RAB11FIP4: variants seen among roughly 807,000 people sequenced by gnomAD.
The protein encoded by RAB11FIP4 is RAB11 family interacting protein 4, also known as rab11 family-interacting protein 4.
A neutral mutation model predicts 74.3 loss-of-function variants in RAB11FIP4; 23 were observed. The observed-to-expected ratio is 0.31, with a 90% CI of 0.22 to 0.44. The LOEUF is 0.44. Among genes scored for constraint, RAB11FIP4 ranks in the 20% least tolerant of loss-of-function variants. The probability of loss-of-function intolerance (pLI) is 1.00; values close to 1 mark genes in which losing one functional copy is unlikely to be tolerated. For missense variants in RAB11FIP4, 630 were observed against 863.9 expected (o/e 0.73, Z 3.39); for synonymous variants, 360 against 359.9 (o/e 1.00, Z 0.00).
intron 4 of RAB11FIP4, 22 bp downstream of exon 4, chr17:31,517,899 C>T (rs1422999736): frequency 4.6e-6 from 7 of 1,532,248 alleles, no homozygotes; most frequent in Non-Finnish European, 4.4e-6. Flanking sequence ...CCACCTGAAG[C>T]TCCATATTTG....
intron 1 of RAB11FIP4, among the ~76,000 whole-genome samples, chr17:31,410,998 A>G (rs982595609): frequency 3.3e-5 from 5 of 152,120 alleles, no homozygotes; most frequent in African/African-American, 1.2e-4. Context: ...AATCCCTCCC[A>G]TCTTTCCACC....
At chr17:31,473,809 C>T (rs2071763917) in intron 3 of RAB11FIP4, among the ~76,000 whole-genome samples, 1 of 152,158 alleles carries the variant, frequency 6.6e-6, no homozygotes, top group Admixed American at 6.5e-5. Context: ...TTGAGCTGCC[C>T]ACTGGATAGT....
chr17:31,431,663 C>T, intron 1 of RAB11FIP4, 150 bp from the exon 2 acceptor site: 1 of 638,844 alleles, frequency 1.6e-6, no homozygotes, highest in Non-Finnish European at 2.7e-6. Flanking sequence ...ATAAAGTGGC[C>T]CCATGGCTGA....
intron 11 of RAB11FIP4, among the ~76,000 whole-genome samples, chr17:31,528,131 AAG>A (rs2072800509): frequency 8.9e-6 from 1 of 112,574 alleles, no homozygotes; most frequent in Admixed American, 8.6e-5. Context: ...TAGTTTTAGA[AAG>A]AGGTTAGCTT....
At chr17:31,520,919 T>G in intron 4 of RAB11FIP4, 2 of 291,732 alleles carry the variant, frequency 6.9e-6, no homozygotes, top group African/African-American at 2.2e-5. Context: ...AGCTAGACAA[T>G]TAGGTTGTAA....
At chr17:31,519,661 C>T (rs1325553127) in intron 4 of RAB11FIP4, among the ~76,000 whole-genome samples, 3 of 152,132 alleles carry the variant, frequency 2.0e-5, no homozygotes, top group African/African-American at 4.8e-5. Context: ...GGTTGAACCA[C>T]ATGAAATTGA....
At chr17:31,446,469 G>C (rs953478698) in intron 3 of RAB11FIP4, among the ~76,000 whole-genome samples, 1 of 152,086 alleles carries the variant, frequency 6.6e-6, no homozygotes, top group Non-Finnish European at 1.5e-5. Context: ...GCCATTGAAC[G>C]TCTGTGCGAT....
chr17:31,445,563 TATATATATATATATA>T (rs1157905930), intron 3 of RAB11FIP4, among the ~76,000 whole-genome samples: 10 of 12,460 alleles, frequency 8.0e-4, no homozygotes, highest in Admixed American at 1.3e-3. Flanking sequence ...TATATATATA[TATATATATATATATA>T]TTTTTTTTTT....
chr17:31,434,710 G>A (rs190733560), intron 3 of RAB11FIP4, among the ~76,000 whole-genome samples: 2 of 152,298 alleles, frequency 1.3e-5, no homozygotes, highest in East Asian at 1.9e-4. Flanking sequence ...CTCAGGAAAT[G>A]GTTGTACTTA....
chr17:31,522,446 C>G (rs1041911084), intron 7 of RAB11FIP4, 51 bp downstream of exon 7: 1 of 1,581,876 alleles, frequency 6.3e-7, no homozygotes. Flanking sequence ...CCATGCTGCC[C>G]ACTGGCCGGG....
chr17:31,462,280 A>AC (rs1204051537), intron 3 of RAB11FIP4, among the ~76,000 whole-genome samples: 3 of 136,812 alleles, frequency 2.2e-5, no homozygotes, highest in African/African-American at 3.7e-5. Context: ...AAAACAAAAA[A>AC]CAAAAAAAAA....
At chr17:31,511,349 C>T (rs1362747572) in intron 3 of RAB11FIP4, among the ~76,000 whole-genome samples, 1 of 152,178 alleles carries the variant, frequency 6.6e-6, no homozygotes, top group East Asian at 1.9e-4. Flanking sequence ...GCAGGTGGTT[C>T]CCTCCCCGTG....
At position 31,512,506 on chromosome 17, in the gene RAB11FIP4, C is replaced by T. The variant is rs978349412; in HGVS notation, c.337-5145C>T. On this transcript the variant is annotated intron_variant, in intron 3 of 14. Coordinates refer to ENST00000621161, the MANE Select transcript of RAB11FIP4 (RefSeq NM_032932.6). This position sits in a 1 kb window ranked among gnomAD's most constrained non-coding sequence, Gnocchi z 4.1. Reference sequence around the variant, plus strand: ...CTGCATCCGCTCTCTCCCTTCACCCCGGGGTCCGCTGGCAGGTGGAAGAAA... The same window carrying T: ...CTGCATCCGCTCTCTCCCTTCACCCTGGGGTCCGCTGGCAGGTGGAAGAAA... Among the ~76,000 whole-genome samples, 1 of 152,176 alleles carries T rather than the reference C, an allele frequency of 6.6e-6. No homozygotes were observed. The highest frequency in any genetic ancestry group is 2.4e-5 in the African/African-American group (1 of 41,442).
In RAB11FIP4 at chr17:31,420,091, T is replaced by C. The variant is rs538656351; in HGVS notation, c.160-11722T>C. Among the ~76,000 whole-genome samples, 21 of 152,314 alleles carry C rather than the reference T, an allele frequency of 1.4e-4. No individual in the cohort carries two copies. In the South Asian group the frequency reaches 3.7e-3, roughly 27 times the overall value. ...AAGGACTGTTCAGATTATCTATTTC[T>C]TCTTGCATGAGTTTTGGTAGTTTGT... On this transcript the variant is annotated intron_variant, in intron 1 of 14. Coordinates refer to ENST00000621161, the MANE Select transcript of RAB11FIP4 (RefSeq NM_032932.6).
intron 3 of RAB11FIP4, among the ~76,000 whole-genome samples, chr17:31,436,160 C>T (rs949051536): frequency 1.3e-5 from 2 of 152,274 alleles, no homozygotes; most frequent in East Asian, 3.9e-4. Context: ...GGCCATGGAA[C>T]CTGAGCACGT....
chr17:31,433,396 G>A (rs1006146110), intron 2 of RAB11FIP4, among the ~76,000 whole-genome samples: 9 of 152,230 alleles, frequency 5.9e-5, no homozygotes, highest in African/African-American at 2.2e-4. Context: ...ACACGGTGCA[G>A]GGGGCACAGA....
intron 3 of RAB11FIP4, among the ~76,000 whole-genome samples, chr17:31,440,758 G>T (rs1283362655): frequency 6.6e-6 from 1 of 152,164 alleles, no homozygotes; most frequent in Non-Finnish European, 1.5e-5. Flanking sequence ...GACAAAGTGA[G>T]ACTCTGTCAT....
chr17:31,531,861 G>C lies in RAB11FIP4; in HGVS notation c.*129G>C. On this transcript the variant is annotated 3_prime_UTR_variant, in exon 15 of 15. Coordinates refer to ENST00000621161, the MANE Select transcript of RAB11FIP4 (RefSeq NM_032932.6). The stretch of plus-strand genomic sequence containing the variant: ...TCTCTCTGGCCACCATGCGTTACGT[G>C]TACCCGTGTATATGTGGGGAGGCTG... 1.4e-6 allele frequency: 1 copy of C among 691,160 alleles called. No individual in the cohort carries two copies. The allele number at this position is 691,160 out of a possible 1,614,324, so 42.8% of individuals were successfully genotyped here.
At chr17:31,471,552 C>T (rs1024507323) in intron 3 of RAB11FIP4, among the ~76,000 whole-genome samples, 4 of 152,184 alleles carry the variant, frequency 2.6e-5, no homozygotes, top group African/African-American at 9.6e-5. Flanking sequence ...AGATAACAGG[C>T]TCAGCTGTCA....
Sources: allele counts gnomAD v4.1 joint callset (sites outside exome capture counted in the v4.1 genomes callset), GRCh38; gene constraint gnomAD v4.1.1; non-coding constraint Gnocchi (gnomAD v3.1); transcripts MANE v1.5; gene names NCBI Gene and HGNC (gene_info 2026-07-23, HGNC 2026-07-21).